GATB: variants seen among roughly 807,000 people sequenced by gnomAD.
GATB encodes glutamyl-tRNA(Gln) amidotransferase subunit B, mitochondrial.
GATB carries 39 observed loss-of-function variants against 62.3 expected under a neutral mutation model. That is an observed-to-expected ratio of 0.63 (90% CI 0.48 to 0.82). GATB has a LOEUF of 0.82. Among genes scored for constraint, GATB ranks in the 40% least tolerant of loss-of-function variants. The pLI is 0.00. For synonymous variants in GATB, 276 were observed against 258.9 expected (o/e 1.07, Z -0.63); for missense variants, 670 against 684.0 (o/e 0.98, Z 0.23).
intron 9 of GATB, among the ~76,000 whole-genome samples, chr4:151,689,539 G>A (rs1003104378): frequency 2.0e-5 from 3 of 152,152 alleles, no homozygotes; most frequent in African/African-American, 7.2e-5. Flanking sequence ...ACGAGTCAGG[G>A]CTGTGCCCTC....
intron 2 of GATB, among the ~76,000 whole-genome samples, chr4:151,733,474 T>C (rs1317206492): frequency 6.6e-6 from 1 of 152,150 alleles, no homozygotes; most frequent in African/African-American, 2.4e-5. Flanking sequence ...AAAACGGTAA[T>C]TTAACAATTG....
intron 2 of GATB, among the ~76,000 whole-genome samples, chr4:151,735,298 T>G (rs1437329171): frequency 6.7e-6 from 1 of 149,308 alleles, no homozygotes; most frequent in Non-Finnish European, 1.5e-5. Flanking sequence ...TAGACAATTC[T>G]CAAAAGAAGA....
chr4:151,683,385 G>A (rs1738182477), intron 10 of GATB, among the ~76,000 whole-genome samples: 1 of 152,132 alleles, frequency 6.6e-6, no homozygotes, highest in Non-Finnish European at 1.5e-5. Flanking sequence ...AGCTCCTTGT[G>A]AAACCTCCTT....
chr4:151,705,056 C>A, intron 7 of GATB, 129 bp downstream of exon 7: 1 of 634,810 alleles, frequency 1.6e-6, no homozygotes, highest in Non-Finnish European at 2.8e-6. Flanking sequence ...TCTAATTGTA[C>A]TAATGAGGAA....
intron 2 of GATB, among the ~76,000 whole-genome samples, chr4:151,753,591 G>A (rs1455435424): frequency 6.6e-6 from 1 of 152,164 alleles, no homozygotes; most frequent in Non-Finnish European, 1.5e-5. Flanking sequence ...AAATGCATGT[G>A]TTCAGTTGAT....
chr4:151,748,816 G>GA (rs1208067469), intron 2 of GATB, among the ~76,000 whole-genome samples: 2 of 151,916 alleles, frequency 1.3e-5, no homozygotes, highest in East Asian at 3.9e-4. Context: ...AAATTTACAA[G>GA]AAAAAAACAA....
At chr4:151,722,710 G>GT (rs1210597500) in intron 2 of GATB, 1 of 155,030 alleles carries the variant, frequency 6.5e-6, no homozygotes, top group Non-Finnish European at 1.4e-5. Flanking sequence ...TTGTTCACAT[G>GT]TAGTTCCACA....
chr4:151,683,643 A>G (rs867277300), intron 10 of GATB, among the ~76,000 whole-genome samples: 1 of 152,220 alleles, frequency 6.6e-6, no homozygotes, highest in Non-Finnish European at 1.5e-5. Context: ...AAACTTCTGG[A>G]AAGAGCTAGG....
chr4:151,760,829 T>C lies in GATB; in HGVS notation c.154A>G (p.Thr52Ala), dbSNP rs112976472. The change falls in exon 1 of 13, where the codon ACG becomes GCG. Residue 52 changes from threonine (T) to alanine (A), a missense_variant. By Grantham distance (58) the Thr-to-Ala change is moderately conservative. Transcript: ENST00000263985. ...TACCCTTTCCTCGTCTTCTGGGCCG[T>C]GTGGAGGGGCTGCTGAGCCACTGAG... ...ESSVAQQPLH[T>A]AQKTRKGEHK... 1.7e-5 allele frequency: 28 copies of C among 1,610,664 alleles called. 2 individuals carry two copies. The African/African-American group carries it at 2.5e-4, about 15-fold the overall frequency.
chr4:151,740,130 TG>T (rs1424558370), intron 2 of GATB, among the ~76,000 whole-genome samples: 3 of 152,242 alleles, frequency 2.0e-5, no homozygotes, highest in African/African-American at 7.2e-5. Flanking sequence ...GTCTGACTTC[TG>T]TGCTGATTTC....
rs1560847802 is a variant in GATB, at chr4:151,697,985, A to ATATATATATATATATATATATGTG, written c.1197+3343_1197+3344insCACATATATATATATATATATATA. Among the ~76,000 whole-genome samples the ATATATATATATATATATATATGTG allele has an allele frequency of 1.2e-4, 17 of 138,286 alleles. 1 individual carries two copies. The highest frequency in any genetic ancestry group is 4.1e-4 in the African/African-American group (14 of 34,502). The allele number at this position is 138,286 out of a possible 152,430, so 90.7% of individuals were successfully genotyped here. On this transcript the variant is annotated intron_variant, in intron 9 of 12. Coordinates refer to ENST00000263985, the MANE Select transcript of GATB (RefSeq NM_004564.3). ...TATATATATATATATATATATATAT[A>ATATATATATATATATATATATGTG]TATATATATGAAATGAAGGCAACTT... is the stretch of plus-strand genomic sequence containing the variant.
At chr4:151,688,528 T>G in intron 10 of GATB, 102 bp downstream of exon 10, 1 of 1,129,140 alleles carries the variant, frequency 8.9e-7, no homozygotes, top group Non-Finnish European at 1.3e-6. Context: ...CAGGATATCC[T>G]GAGGGAGAAC....
intron 10 of GATB, among the ~76,000 whole-genome samples, chr4:151,687,319 G>A (rs138183764): frequency 1.3e-5 from 2 of 152,296 alleles, no homozygotes; most frequent in East Asian, 3.9e-4. Context: ...ATGGAATACG[G>A]CATCTTCCCT....
chr4:151,760,947 T>G lies in GATB; in HGVS notation c.36A>C (p.Gly12=). ...AAPMLRWGCR[G]RRWAFARVDG... ...CAACCCGGGCGAAAGCCCAACGTCT[T>G]CCACGGCAGCCCCAGCGCAGCATGG... The change falls in exon 1 of 13, where the codon GGA becomes GGC. Residue 12 remains glycine, a synonymous_variant. Coordinates refer to ENST00000263985, the MANE Select transcript of GATB (RefSeq NM_004564.3). The G allele has an allele frequency of 6.2e-7, 1 of 1,613,382 alleles. No homozygotes were observed. The highest frequency in any genetic ancestry group is 1.1e-5 in the South Asian group (1 of 90,918).
chr4:151,707,208 T>C (rs1738731280), intron 6 of GATB, among the ~76,000 whole-genome samples: 1 of 152,226 alleles, frequency 6.6e-6, no homozygotes, highest in Non-Finnish European at 1.5e-5. Flanking sequence ...TGGTAAATGG[T>C]AAAACACAGC....
intron 2 of GATB, 134 bp downstream of exon 2, chr4:151,758,638 C>T (rs938547242): frequency 4.3e-6 from 3 of 690,730 alleles, no homozygotes; most frequent in Non-Finnish European, 4.5e-6. Flanking sequence ...TTTAATATAT[C>T]CCGCTTCACC....
intron 5 of GATB, among the ~76,000 whole-genome samples, chr4:151,713,711 CCCA>C (rs1367726880): frequency 6.6e-6 from 1 of 152,138 alleles, no homozygotes; most frequent in Non-Finnish European, 1.5e-5. Context: ...CCCTTGGCAC[CCCA>C]CCTTGCTATC....
At chr4:151,715,329 G>A (rs1005767831) in intron 5 of GATB, among the ~76,000 whole-genome samples, 10 of 152,162 alleles carry the variant, frequency 6.6e-5, no homozygotes, top group African/African-American at 2.4e-4. Context: ...TACCCTTTAC[G>A]GACTTATGGG....
At chr4:151,704,644 G>A (rs1009412544) in intron 7 of GATB, among the ~76,000 whole-genome samples, 2 of 150,866 alleles carry the variant, frequency 1.3e-5, no homozygotes, top group Admixed American at 6.6e-5. Flanking sequence ...TAGTAGAGAC[G>A]GGGTTTCACC....
Sources: allele counts gnomAD v4.1 joint callset (sites outside exome capture counted in the v4.1 genomes callset), GRCh38; gene constraint gnomAD v4.1.1; transcripts MANE v1.5; gene names NCBI Gene and HGNC (gene_info 2026-07-23, HGNC 2026-07-21).